The following PUS10 variants were observed in gnomAD, a reference collection of about 807,000 sequenced individuals.
PUS10 encodes the protein pseudouridine synthase 10, also known as tRNA pseudouridine synthase Pus10.
A neutral mutation model predicts 75.0 loss-of-function variants in PUS10; 59 were observed. That is an observed-to-expected ratio of 0.79 (90% CI 0.64 to 0.98). The LOEUF (loss-of-function observed/expected upper bound fraction) is 0.98, where lower values mean the gene tolerates loss of function less well. PUS10 is among the 50% of genes least tolerant of loss of function. The pLI is 0.00. For missense variants in PUS10, 650 were observed against 614.4 expected, an observed-to-expected ratio of 1.06 and a Z score of -0.61; for synonymous variants, 219 against 211.6, an observed-to-expected ratio of 1.03 and a Z score of -0.30.
chr2:61,013,149 A>C (rs1042616476), intron 1 of PUS10, among the ~76,000 whole-genome samples: 55 of 151,928 alleles, frequency 3.6e-4, no homozygotes, highest in African/African-American at 1.3e-3. Flanking sequence ...GCTACTCAGA[A>C]GACCGAGGTG....
intron 4 of PUS10, among the ~76,000 whole-genome samples, chr2:61,005,029 CG>C (rs1679113746): frequency 6.6e-6 from 1 of 152,218 alleles, no homozygotes; most frequent in African/African-American, 2.4e-5. Context: ...CCGAGGTGGG[CG>C]GATCACCTGA....
chr2:61,003,377 G>C (rs1424497829), intron 4 of PUS10, among the ~76,000 whole-genome samples: 1 of 151,266 alleles, frequency 6.6e-6, no homozygotes, highest in East Asian at 2.0e-4. Flanking sequence ...CAGGAAAATT[G>C]CTTGAACTCA....
intron 4 of PUS10, among the ~76,000 whole-genome samples, chr2:60,993,656 A>G (rs1181609604): frequency 6.6e-6 from 1 of 152,118 alleles, no homozygotes; most frequent in Non-Finnish European, 1.5e-5. Context: ...ACTAGTATTG[A>G]TCCTGTATTA....
At chr2:60,945,703 T>C (rs1674903829) in intron 16 of PUS10, among the ~76,000 whole-genome samples, 1 of 152,234 alleles carries the variant, frequency 6.6e-6, no homozygotes, top group African/African-American at 2.4e-5. Context: ...ATTCTCTCTC[T>C]CTTTCTTAAA....
At chr2:60,944,288 G>T in intron 17 of PUS10, 1 of 888,970 alleles carries the variant, frequency 1.1e-6, no homozygotes, top group Non-Finnish European at 1.3e-6. Context: ...AGAATTGCTG[G>T]TAAGGAAGTA....
At chr2:60,999,076 A>C (rs1392649077) in intron 4 of PUS10, among the ~76,000 whole-genome samples, 1 of 152,196 alleles carries the variant, frequency 6.6e-6, no homozygotes, top group Non-Finnish European at 1.5e-5. Flanking sequence ...TTTCCCATAC[A>C]CTACCCATGA....
intron 1 of PUS10, among the ~76,000 whole-genome samples, chr2:61,014,113 C>G (rs1233056422): frequency 6.6e-6 from 1 of 151,336 alleles, no homozygotes; most frequent in East Asian, 1.9e-4. Flanking sequence ...GTGGCTCACA[C>G]CTGTAATCCC....
chr2:61,004,038 G>T (rs1679035480), intron 4 of PUS10, among the ~76,000 whole-genome samples: 1 of 152,090 alleles, frequency 6.6e-6, no homozygotes, highest in African/African-American at 2.4e-5. Flanking sequence ...TGAGATAATT[G>T]ACATCAATCA....
At chr2:61,002,016 C>T (rs1424014321) in intron 4 of PUS10, among the ~76,000 whole-genome samples, 2 of 152,156 alleles carry the variant, frequency 1.3e-5, no homozygotes, top group African/African-American at 2.4e-5. Flanking sequence ...CAGGAATACA[C>T]ATTTAAAAGG....
At chr2:61,002,320 G>A (rs866725121) in intron 4 of PUS10, among the ~76,000 whole-genome samples, 6 of 152,186 alleles carry the variant, frequency 3.9e-5, no homozygotes, top group South Asian at 2.1e-4. Context: ...ATCATGTGCC[G>A]AAACACTGGG....
intron 5 of PUS10, among the ~76,000 whole-genome samples, chr2:60,968,738 T>A (rs897094257): frequency 6.6e-6 from 1 of 152,186 alleles, no homozygotes; most frequent in Non-Finnish European, 1.5e-5. Context: ...CAGCTGAGAA[T>A]ATAACTTGTT....
intron 17 of PUS10, 63 bp from the exon 18 acceptor site, chr2:60,942,496 A>T: frequency 7.8e-7 from 1 of 1,283,664 alleles, no homozygotes; most frequent in Non-Finnish European, 1.1e-6. Context: ...TTTGCTGGTA[A>T]TGCTGTATAA....
chr2:61,011,703 C>T, intron 2 of PUS10, 62 bp downstream of exon 2: 5 of 1,241,406 alleles, frequency 4.0e-6, no homozygotes, highest in Non-Finnish European at 5.3e-6. Context: ...TACAAGCATT[C>T]ATTGTAAAAT....
chr2:60,964,523 T>A (rs940765868), intron 8 of PUS10, among the ~76,000 whole-genome samples: 1 of 152,238 alleles, frequency 6.6e-6, no homozygotes, highest in African/African-American at 2.4e-5. Flanking sequence ...ACATGAAGAT[T>A]AGCTAACATT....
chr2:60,960,843 T>TAAAAAA (rs34578958), intron 10 of PUS10, among the ~76,000 whole-genome samples: 2 of 120,664 alleles, frequency 1.7e-5, no homozygotes, highest in Non-Finnish European at 3.5e-5. Flanking sequence ...ATACCAAGGA[T>TAAAAAA]AAAAAAAAAA....
rs902470555 is a variant in PUS10, at chr2:60,942,241, A to C, written c.*154T>G. The C allele has an allele frequency of 2.9e-6, 2 of 678,366 alleles. No homozygotes were observed. Among genetic ancestry groups the C allele is most frequent in the Non-Finnish European group, 2.7e-6 (1 of 372,940 alleles). 42.0% of individuals were successfully genotyped at this position (678,366 alleles called of 1,614,324 possible). ...AATATACACATATATAGATCCTGAG[A>C]TGTTACAACAAATTAACAATTATAT... On this transcript the variant is annotated 3_prime_UTR_variant, in exon 18 of 18. Coordinates refer to ENST00000316752, the MANE Select transcript of PUS10 (RefSeq NM_144709.4).
intron 8 of PUS10, 124 bp from the exon 9 acceptor site, chr2:60,963,014 A>G (rs1676125114): frequency 7.2e-7 from 1 of 1,384,652 alleles, no homozygotes; most frequent in Non-Finnish European, 9.3e-7. Flanking sequence ...TATACTTAAC[A>G]TGGAGAAATA....
At chr2:60,991,313 T>C (rs1043199762) in intron 4 of PUS10, among the ~76,000 whole-genome samples, 1 of 152,190 alleles carries the variant, frequency 6.6e-6, no homozygotes, top group Non-Finnish European at 1.5e-5. Context: ...TATTGACTGA[T>C]TGTATAGAAT....
intron 1 of PUS10, among the ~76,000 whole-genome samples, chr2:61,015,484 G>C (rs961138950): frequency 6.6e-6 from 1 of 152,114 alleles, no homozygotes; most frequent in Non-Finnish European, 1.5e-5. Flanking sequence ...AGGATCATGA[G>C]GTCAGGAGAT....
Sources: gnomAD v4.1 joint callset for allele counts (sites outside exome capture counted in the v4.1 genomes callset) on GRCh38, gnomAD v4.1.1 for gene constraint, MANE v1.5 for transcripts, NCBI Gene and HGNC (gene_info 2026-07-23, HGNC 2026-07-21) for gene names.